The following NRG3 variants were observed in gnomAD, a reference collection of about 807,000 sequenced individuals.
The protein encoded by NRG3 is neuregulin 3.
NRG3 carries 31 observed loss-of-function variants against 66.9 expected under a neutral mutation model. The observed-to-expected ratio is 0.46, with a 90% CI of 0.35 to 0.63. NRG3 has a LOEUF of 0.63. Among genes scored for constraint, NRG3 ranks in the 20% least tolerant of loss-of-function variants. NRG3 has a pLI of 0.00. For missense variants in NRG3, 910 were observed against 878.9 expected (o/e 1.04, Z -0.45); for synonymous variants, 393 against 359.4 (o/e 1.09, Z -1.06).
chr10:81,875,961 C>T lies in NRG3; in HGVS notation c.621C>T (p.Gly207=), dbSNP rs1159568797. The T allele has an allele frequency of 6.2e-7, 1 of 1,613,808 alleles. No homozygotes were observed. Among genetic ancestry groups the T allele is most frequent in the East Asian group, 2.2e-5 (1 of 44,872 alleles). Residue 207 remains glycine, a synonymous_variant, in exon 1 of 9, where the codon GGC becomes GGT. Transcript: ENST00000372141. This position sits in a 1 kb window ranked among gnomAD's most constrained non-coding sequence, Gnocchi z 5.3. ...CGTTCTTCAGTAGCAGCACGCTGGG[C>T]TCCCGACCCCCGGTGCCAGGAACTC... is the stretch of plus-strand genomic sequence containing the variant. ...TAPFFSSSTL[G]SRPPVPGTPS...
intron 1 of NRG3, among the ~76,000 whole-genome samples, chr10:82,242,338 T>C (rs2077042704): frequency 6.6e-6 from 1 of 152,180 alleles, no homozygotes; most frequent in African/African-American, 2.4e-5. Flanking sequence ...CCAGAAAAGT[T>C]AGAAACCTGC....
intron 3 of NRG3, among the ~76,000 whole-genome samples, chr10:82,760,906 A>C (rs1456197943): frequency 2.6e-5 from 4 of 151,884 alleles, no homozygotes; most frequent in African/African-American, 9.7e-5. Context: ...TATATATTGT[A>C]AAAAAATTAA....
At chr10:82,218,959 A>T (rs1447725670) in intron 1 of NRG3, among the ~76,000 whole-genome samples, 1 of 152,088 alleles carries the variant, frequency 6.6e-6, no homozygotes, top group Non-Finnish European at 1.5e-5. Context: ...TCTATGGGAT[A>T]CTTAAAAAAC....
chr10:82,036,460 A>G (rs1437250182), intron 1 of NRG3, among the ~76,000 whole-genome samples: 2 of 152,116 alleles, frequency 1.3e-5, no homozygotes, highest in African/African-American at 2.4e-5. Context: ...GGGAGATTAA[A>G]TAACTTCCTC....
chr10:82,358,879 G>A lies in NRG3; in HGVS notation c.953+11G>A, dbSNP rs1024559755. 3 of 1,614,130 alleles carry A rather than the reference G, an allele frequency of 1.9e-6. No individual in the cohort carries two copies. The highest frequency in any genetic ancestry group is 1.7e-5 in the Admixed American group (1 of 60,020). On this transcript the variant is annotated intron_variant, in intron 2 of 8. Transcript: ENST00000372141. ...CCATAAACACTGTCGGTAAGCCACT[G>A]AGGCCACTGATGGAAAGGGCAGGCC...
intron 2 of NRG3, among the ~76,000 whole-genome samples, chr10:82,652,177 T>C (rs772812937): frequency 5.9e-5 from 9 of 152,124 alleles, no homozygotes; most frequent in Non-Finnish European, 1.0e-4. Context: ...GTGAACTCCA[T>C]TGTGGGCCCT....
chr10:82,886,095 A>G lies in NRG3; in HGVS notation c.1054+20658A>G, dbSNP rs796472809. ...TGGCCAGGCTGGTCTCGAGGTCCTG[A>G]CCTCTGGTGATCCACCCACCTCAGC... On this transcript the variant is annotated intron_variant, in intron 4 of 8. Transcript: ENST00000372141. 9.2e-5 allele frequency among the ~76,000 whole-genome samples: 14 copies of G among 151,788 alleles called. No homozygotes were observed. In the South Asian group the frequency reaches 2.5e-3, roughly 27 times the overall value.
At chr10:82,961,485 T>C (rs1850635367) in intron 6 of NRG3, among the ~76,000 whole-genome samples, 2 of 152,242 alleles carry the variant, frequency 1.3e-5, no homozygotes, top group Admixed American at 1.3e-4. Flanking sequence ...GAAAGGTATG[T>C]CTGTCAGACA....
intron 3 of NRG3, among the ~76,000 whole-genome samples, chr10:82,780,475 C>CTTTTTTTTT (rs1409952252): frequency 9.1e-6 from 1 of 109,512 alleles, no homozygotes. Context: ...TTTTTTTTTT[C>CTTTTTTTTT]TTTTCTTTTT....
chr10:82,349,600 G>A (rs1047585880), intron 1 of NRG3, among the ~76,000 whole-genome samples: 1 of 151,974 alleles, frequency 6.6e-6, no homozygotes, highest in Non-Finnish European at 1.5e-5. Context: ...CACCCAGTTC[G>A]AGCTTCCCGG....
intron 1 of NRG3, among the ~76,000 whole-genome samples, chr10:82,114,530 C>T (rs1018758538): frequency 6.6e-6 from 1 of 152,080 alleles, no homozygotes; most frequent in Non-Finnish European, 1.5e-5. Context: ...AACACGTATA[C>T]ACACACATGC....
At chr10:81,949,620 T>C (rs1849151326) in intron 1 of NRG3, among the ~76,000 whole-genome samples, 1 of 152,136 alleles carries the variant, frequency 6.6e-6, no homozygotes, top group African/African-American at 2.4e-5. Flanking sequence ...GACATTTTTT[T>C]CTGTATTTAA....
At chr10:82,863,251 A>T (rs920323998) in intron 3 of NRG3, among the ~76,000 whole-genome samples, 1 of 152,190 alleles carries the variant, frequency 6.6e-6, no homozygotes, top group Non-Finnish European at 1.5e-5. Flanking sequence ...TTCTTTATCC[A>T]GTCTATCATT....
intron 2 of NRG3, among the ~76,000 whole-genome samples, chr10:82,447,437 GA>G (rs922313313): frequency 6.6e-6 from 1 of 151,630 alleles, no homozygotes; most frequent in Admixed American, 6.6e-5. Context: ...TAATAAATAA[GA>G]AAAAAAATTA....
chr10:82,862,087 T>C (rs1443270856), intron 3 of NRG3, among the ~76,000 whole-genome samples: 1 of 152,158 alleles, frequency 6.6e-6, no homozygotes, highest in African/African-American at 2.4e-5. Context: ...GTCCTGTGTG[T>C]AAAGCTCAGT....
intron 1 of NRG3, among the ~76,000 whole-genome samples, chr10:82,148,993 G>T (rs1295120103): frequency 6.6e-6 from 1 of 152,028 alleles, no homozygotes; most frequent in African/African-American, 2.4e-5. Context: ...AGCAGAGACT[G>T]TCTACCCGGA....
chr10:82,898,593 A>G (rs1192202141), intron 4 of NRG3, among the ~76,000 whole-genome samples: 2 of 152,188 alleles, frequency 1.3e-5, no homozygotes, highest in African/African-American at 4.8e-5. Context: ...TGCTCTTGTC[A>G]AGAGGAAATC....
chr10:82,285,359 C>G (rs770761599), intron 1 of NRG3, among the ~76,000 whole-genome samples: 1 of 152,164 alleles, frequency 6.6e-6, no homozygotes, highest in African/African-American at 2.4e-5. Context: ...CTGGATCAAT[C>G]CCACTTCTTG....
intron 2 of NRG3, among the ~76,000 whole-genome samples, chr10:82,705,671 A>T (rs1056641308): frequency 3.3e-5 from 5 of 152,226 alleles, no homozygotes; most frequent in Non-Finnish European, 5.9e-5. Context: ...AGAACAAAGC[A>T]AATTTGGAGA....
Sources: allele counts gnomAD v4.1 joint callset (sites outside exome capture counted in the v4.1 genomes callset), GRCh38; gene constraint gnomAD v4.1.1; non-coding constraint Gnocchi (gnomAD v3.1); transcripts MANE v1.5; gene names NCBI Gene and HGNC (gene_info 2026-07-23, HGNC 2026-07-21).